Variants in ATP2C1 observed in about 807,000 individuals in gnomAD.
ATP2C1 encodes ATPase secretory pathway Ca2+ transporting 1.
A neutral mutation model predicts 120.5 loss-of-function variants in ATP2C1; 31 were observed. The observed-to-expected ratio is 0.26, with a 90% CI of 0.19 to 0.35. The LOEUF (loss-of-function observed/expected upper bound fraction) is 0.35, where lower values mean the gene tolerates loss of function less well. Among genes scored for constraint, ATP2C1 ranks in the 10% least tolerant of loss-of-function variants. The pLI, the probability that ATP2C1 is intolerant of heterozygous loss-of-function variation, is 1.00. For synonymous variants in ATP2C1, 351 were observed against 358.7 expected, an observed-to-expected ratio of 0.98 and a Z score of 0.24; for missense variants, 731 against 1,107.5, an observed-to-expected ratio of 0.66 and a Z score of 4.83.
intron 20 of ATP2C1, among the ~76,000 whole-genome samples, chr3:130,981,765 G>A (rs2061776086): frequency 6.6e-6 from 1 of 152,088 alleles, no homozygotes; most frequent in South Asian, 2.1e-4. Context: ...AGTGTACAAT[G>A]GTATCTTACT....
intron 20 of ATP2C1, among the ~76,000 whole-genome samples, chr3:130,984,337 A>G (rs2108808144): frequency 6.6e-6 from 1 of 152,260 alleles, no homozygotes; most frequent in East Asian, 1.9e-4. Context: ...ATTTTTATAC[A>G]CTAAATTCCT....
At chr3:130,948,693 A>G (rs769624648) in intron 8 of ATP2C1, among the ~76,000 whole-genome samples, 5 of 152,088 alleles carry the variant, frequency 3.3e-5, no homozygotes, top group Non-Finnish European at 5.9e-5. Context: ...TGCTTCAAAG[A>G]TAATGCATTT....
At position 130,965,018 on chromosome 3, in the gene ATP2C1, A is replaced by G; in HGVS notation, c.1095A>G (p.Ile365Met). The G allele has an allele frequency of 1.9e-6, 3 of 1,611,720 alleles. No homozygotes were observed. Among genetic ancestry groups the G allele is most frequent in the South Asian group, 1.1e-5 (1 of 91,016 alleles). The change falls in exon 14 of 28, where the codon ATA (isoleucine) becomes ATG (methionine). Residue 365 changes from isoleucine (I) to methionine (M), a missense_variant. Ile to Met is a conservative substitution (Grantham distance 10). Coordinates refer to ENST00000510168, the MANE Select transcript of ATP2C1 (RefSeq NM_001378687.1). Reference sequence around the variant, plus strand: ...AGAATGAAATGACTGTTACTCACATATTTACTTCAGATGGTCTGCATGCTG... The same window carrying G: ...AGAATGAAATGACTGTTACTCACATGTTTACTTCAGATGGTCTGCATGCTG... Reference protein sequence around the residue: ...LTKNEMTVTHIFTSDGLHAEV... With the variant: ...LTKNEMTVTHMFTSDGLHAEV...
intron 17 of ATP2C1, among the ~76,000 whole-genome samples, chr3:130,972,393 C>T (rs2061356299): frequency 6.6e-6 from 1 of 152,112 alleles, no homozygotes; most frequent in South Asian, 2.1e-4. Context: ...TTCATCTCAT[C>T]ACCCTACAGC....
chr3:130,864,481 A>G (rs1001839866), intron 1 of ATP2C1, among the ~76,000 whole-genome samples: 3 of 152,252 alleles, frequency 2.0e-5, no homozygotes, highest in African/African-American at 7.2e-5. Context: ...AGGAATTTTC[A>G]TAAGTAGCAA....
At chr3:130,865,549 A>C (rs1340520705) in intron 1 of ATP2C1, among the ~76,000 whole-genome samples, 1 of 152,214 alleles carries the variant, frequency 6.6e-6, no homozygotes. Context: ...CTTGACTTCT[A>C]TCTTCCAGAA....
chr3:130,897,406 G>C (rs2069726001), intron 2 of ATP2C1, among the ~76,000 whole-genome samples: 1 of 152,190 alleles, frequency 6.6e-6, no homozygotes, highest in Non-Finnish European at 1.5e-5. Flanking sequence ...CTGTAAATGA[G>C]ATAATGCCCT....
At chr3:130,969,435 C>T (rs2061195060) in intron 17 of ATP2C1, 39 bp downstream of exon 17, 1 of 1,493,782 alleles carries the variant, frequency 6.7e-7, no homozygotes, top group African/African-American at 1.4e-5. Flanking sequence ...TCCTGTTTAG[C>T]TTAGATGACT....
At chr3:130,899,849 T>C (rs2069991635) in intron 2 of ATP2C1, among the ~76,000 whole-genome samples, 1 of 152,152 alleles carries the variant, frequency 6.6e-6, no homozygotes, top group African/African-American at 2.4e-5. Context: ...TTTCTATCTC[T>C]GCTTTTTTTA....
chr3:131,006,635 TTG>T (rs3073260), downstream of ATP2C1, among the ~76,000 whole-genome samples: 16,402 of 147,060 alleles, frequency 0.11, 1,043 homozygotes, highest in South Asian at 0.22. Flanking sequence ...TAGTGTGTGT[TTG>T]TGTGTGTGTG....
chr3:130,874,856 G>A (rs2107789398), intron 1 of ATP2C1, among the ~76,000 whole-genome samples: 1 of 152,294 alleles, frequency 6.6e-6, no homozygotes, highest in South Asian at 2.1e-4. Context: ...TGATTCAGTA[G>A]GACTCGCCGG....
chr3:130,887,405 C>A (rs766878706), intron 1 of ATP2C1, among the ~76,000 whole-genome samples: 5 of 152,192 alleles, frequency 3.3e-5, no homozygotes, highest in Non-Finnish European at 7.4e-5. Flanking sequence ...TGGTGTCTTT[C>A]CCTTCAGGGC....
intron 8 of ATP2C1, among the ~76,000 whole-genome samples, chr3:130,945,199 T>TC (rs1212886202): frequency 2.0e-5 from 3 of 152,072 alleles, no homozygotes; most frequent in African/African-American, 4.8e-5. Flanking sequence ...TGTTTTTTTT[T>TC]CCCCCGAGGG....
At chr3:130,980,962 T>C (rs577256852) in intron 20 of ATP2C1, among the ~76,000 whole-genome samples, 4 of 152,362 alleles carry the variant, frequency 2.6e-5, no homozygotes, top group Admixed American at 2.6e-4. Flanking sequence ...CTTGTATTTA[T>C]GAATTAGAGG....
At chr3:130,887,514 A>C (rs895070624) in intron 1 of ATP2C1, among the ~76,000 whole-genome samples, 7 of 152,144 alleles carry the variant, frequency 4.6e-5, no homozygotes, top group African/African-American at 1.7e-4. Flanking sequence ...GTTTTATTCT[A>C]CTGTAGCTAA....
intron 9 of ATP2C1, 86 bp downstream of exon 9, chr3:130,954,062 T>A: frequency 7.1e-7 from 1 of 1,412,834 alleles, no homozygotes; most frequent in Non-Finnish European, 9.9e-7. Context: ...TATGTGGAAT[T>A]TTTCAAATAC....
chr3:130,948,656 A>G (rs997170099), intron 8 of ATP2C1, among the ~76,000 whole-genome samples: 2 of 151,750 alleles, frequency 1.3e-5, no homozygotes, highest in South Asian at 2.1e-4. Flanking sequence ...TCCTTCTGAG[A>G]TTGTACTGGC....
chr3:130,977,270 C>T (rs1410011364), intron 18 of ATP2C1, among the ~76,000 whole-genome samples: 1 of 151,954 alleles, frequency 6.6e-6, no homozygotes, highest in East Asian at 1.9e-4. Context: ...GGGCTTTGAC[C>T]CTTTCTTTTT....
intron 3 of ATP2C1, among the ~76,000 whole-genome samples, chr3:130,931,167 T>C (rs1376071625): frequency 6.6e-6 from 1 of 152,148 alleles, no homozygotes; most frequent in African/African-American, 2.4e-5. Context: ...ATTTATACTC[T>C]GCTTTAAAAC....
Sources: gnomAD v4.1 joint callset for allele counts (sites outside exome capture counted in the v4.1 genomes callset) on GRCh38, gnomAD v4.1.1 for gene constraint, MANE v1.5 for transcripts, NCBI Gene and HGNC (gene_info 2026-07-23, HGNC 2026-07-21) for gene names.